The following ADORA2B variants were observed in gnomAD, a reference collection of about 807,000 sequenced individuals.
The protein encoded by ADORA2B is adenosine receptor A2b.
In ADORA2B, 18 loss-of-function variants were observed where a neutral mutation model predicts 20.8. The observed-to-expected ratio is 0.87, with a 90% confidence interval of 0.60 to 1.29. The LOEUF (loss-of-function observed/expected upper bound fraction) is 1.29. ADORA2B is among the 50% of genes most tolerant of loss of function. The pLI is 0.00. For synonymous variants in ADORA2B, 179 were observed against 178.3 expected, an observed-to-expected ratio of 1.00 and a Z score of -0.03; for missense variants, 441 against 422.7, an observed-to-expected ratio of 1.04 and a Z score of -0.38.
chr17:15,871,908 C>T, the ADORA2B span, among the ~76,000 whole-genome samples: 2 of 152,126 alleles, frequency 1.3e-5, no homozygotes, highest in Non-Finnish European at 2.9e-5. Context: ...TAGGTCCTCC[C>T]TCTGATCATT....
At chr17:15,951,545 G>A (rs72821741) in intron 1 of ADORA2B, among the ~76,000 whole-genome samples, 79 of 152,356 alleles carry the variant, frequency 5.2e-4, no homozygotes, top group Non-Finnish European at 1.0e-3. Context: ...TTATAATCCT[G>A]CTGGGGCCTC....
the ADORA2B span, among the ~76,000 whole-genome samples, chr17:15,923,105 C>T: frequency 1.3e-5 from 2 of 151,066 alleles, no homozygotes; most frequent in Admixed American, 6.6e-5. Context: ...TCACTGCAAC[C>T]TCTGCCTCCC....
the ADORA2B span, among the ~76,000 whole-genome samples, chr17:15,865,348 G>C: frequency 6.6e-6 from 1 of 151,676 alleles, no homozygotes; most frequent in East Asian, 1.9e-4. Flanking sequence ...TGCAACCTCT[G>C]CCTCCCGGGT....
chr17:15,853,899 CA>C, the ADORA2B span, among the ~76,000 whole-genome samples: 31,876 of 152,018 alleles, frequency 0.21, 3,933 homozygotes, highest in Non-Finnish European at 0.28. Flanking sequence ...AACCTCCATG[CA>C]AAAATCCAGA....
the ADORA2B span, among the ~76,000 whole-genome samples, chr17:15,896,630 A>T: frequency 2.2e-3 from 334 of 152,318 alleles, no homozygotes; most frequent in African/African-American, 7.6e-3. Context: ...TAGTTTCAGG[A>T]TTGGTTCACC....
At chr17:15,903,868 A>G in the ADORA2B span, among the ~76,000 whole-genome samples, 1 of 151,876 alleles carries the variant, frequency 6.6e-6, no homozygotes, top group Non-Finnish European at 1.5e-5. Context: ...CGTGGCTTTC[A>G]TTGGTATTTC....
At chr17:15,861,457 T>A in the ADORA2B span, among the ~76,000 whole-genome samples, 1 of 152,190 alleles carries the variant, frequency 6.6e-6, no homozygotes, top group Non-Finnish European at 1.5e-5. Flanking sequence ...TCTTCATTGC[T>A]AAGGAAGAGG....
the ADORA2B span, among the ~76,000 whole-genome samples, chr17:15,867,956 G>T: frequency 6.6e-6 from 1 of 151,772 alleles, no homozygotes. Flanking sequence ...AAAAGATTGA[G>T]AAATCGGATG....
At chr17:15,916,559 C>G in the ADORA2B span, among the ~76,000 whole-genome samples, 1 of 152,062 alleles carries the variant, frequency 6.6e-6, no homozygotes, top group Non-Finnish European at 1.5e-5. Context: ...CAAGCTCCTG[C>G]GTCGGTAATT....
At chr17:15,883,513 C>T in the ADORA2B span, among the ~76,000 whole-genome samples, 1 of 152,186 alleles carries the variant, frequency 6.6e-6, no homozygotes. Flanking sequence ...AAACCCACAA[C>T]TCCTGAATTA....
intron 1 of ADORA2B, among the ~76,000 whole-genome samples, chr17:15,961,164 CAAAAA>C (rs60034008): frequency 6.9e-6 from 1 of 144,806 alleles, no homozygotes; most frequent in South Asian, 2.2e-4. Flanking sequence ...GAGACTCTGT[CAAAAA>C]AAAAAAAAGG....
At chr17:15,953,598 T>C (rs567875412) in intron 1 of ADORA2B, among the ~76,000 whole-genome samples, 2 of 152,342 alleles carry the variant, frequency 1.3e-5, no homozygotes, top group East Asian at 1.9e-4. Flanking sequence ...ATTTCTGTTA[T>C]GTTTTGATTT....
the ADORA2B span, among the ~76,000 whole-genome samples, chr17:15,884,510 C>G: frequency 6.6e-6 from 1 of 152,096 alleles, no homozygotes; most frequent in Non-Finnish European, 1.5e-5. Context: ...AATCACCCAT[C>G]TTAATTCTTA....
chr17:15,959,061 TAAG>T lies in ADORA2B; in HGVS notation c.335+13481_335+13483del, dbSNP rs1280767161. Reference sequence around the variant, plus strand: ...AACCGATGAGCTTGTTGCCTAAAGATAAGAATCCCACATCGTGTGTCCTGAGAG... The same window carrying T: ...AACCGATGAGCTTGTTGCCTAAAGATAATCCCACATCGTGTGTCCTGAGAG... On this transcript the variant is annotated intron_variant, in intron 1 of 1. Transcript: ENST00000304222. 3.9e-5 allele frequency among the ~76,000 whole-genome samples: 6 copies of T among 152,234 alleles called. No homozygotes were observed. In the South Asian group the frequency reaches 1.2e-3, roughly 32 times the overall value.
At chr17:15,937,057 TC>T in the ADORA2B span, among the ~76,000 whole-genome samples, 1 of 152,258 alleles carries the variant, frequency 6.6e-6, no homozygotes, top group South Asian at 2.1e-4. Flanking sequence ...TTCTGTTGTT[TC>T]TTTTTTCTCC....
chr17:15,938,670 A>G, the ADORA2B span, among the ~76,000 whole-genome samples: 21 of 152,292 alleles, frequency 1.4e-4, no homozygotes, highest in African/African-American at 4.6e-4. Context: ...ACAGTTCTTC[A>G]TTGTAAAGGA....
intron 1 of ADORA2B, among the ~76,000 whole-genome samples, chr17:15,946,428 G>A (rs548834837): frequency 6.6e-6 from 1 of 152,356 alleles, no homozygotes; most frequent in Non-Finnish European, 1.5e-5. Flanking sequence ...TGGATTCCCA[G>A]TTGGAGCTGA....
chr17:15,882,831 T>C, the ADORA2B span, among the ~76,000 whole-genome samples: 1 of 152,196 alleles, frequency 6.6e-6, no homozygotes, highest in Non-Finnish European at 1.5e-5. Flanking sequence ...GGGCCGTTTG[T>C]CTCAGGTTTG....
chr17:15,923,693 A>C, the ADORA2B span, among the ~76,000 whole-genome samples: 1 of 152,000 alleles, frequency 6.6e-6, no homozygotes, highest in Non-Finnish European at 1.5e-5. Context: ...AGCGTGAGCC[A>C]CCGCGCCCGG....
Sources: gnomAD v4.1 joint callset for allele counts (sites outside exome capture counted in the v4.1 genomes callset) on GRCh38, gnomAD v4.1.1 for gene constraint, MANE v1.5 for transcripts, NCBI Gene and HGNC (gene_info 2026-07-23, HGNC 2026-07-21) for gene names.